Variants in MAD1L1 observed in about 807,000 individuals in gnomAD.
The protein encoded by MAD1L1 is mitotic arrest deficient 1 like 1.
Under a neutral mutation model 96.9 loss-of-function variants are expected in MAD1L1, and 95 were observed. That is an observed-to-expected ratio of 0.98 (90% CI 0.83 to 1.16). The LOEUF (loss-of-function observed/expected upper bound fraction) is 1.16, where lower values mean the gene tolerates loss of function less well. MAD1L1 is among the 50% of genes most tolerant of loss of function. The pLI is 0.00. For missense variants in MAD1L1, 1,007 were observed against 954.4 expected, an observed-to-expected ratio of 1.06 and a Z score of -0.73; for synonymous variants, 473 against 396.6, an observed-to-expected ratio of 1.19 and a Z score of -2.29.
intron 15 of MAD1L1, among the ~76,000 whole-genome samples, chr7:1,959,690 G>A (rs1321783631): frequency 6.6e-6 from 1 of 152,222 alleles, no homozygotes; most frequent in Admixed American, 6.5e-5. Flanking sequence ...CACCTTAACG[G>A]TGAAAACATC....
chr7:1,884,950 G>A (rs144421373), intron 18 of MAD1L1, among the ~76,000 whole-genome samples: 139 of 152,320 alleles, frequency 9.1e-4, no homozygotes, highest in African/African-American at 2.9e-3. Flanking sequence ...TCGCCCTCCG[G>A]GAATAGGCAA....
At chr7:2,128,426 C>T (rs1018382545) in intron 11 of MAD1L1, among the ~76,000 whole-genome samples, 3 of 152,000 alleles carry the variant, frequency 2.0e-5, no homozygotes, top group African/African-American at 7.3e-5. Flanking sequence ...ATGAAACACT[C>T]GCTCATCAGC....
chr7:2,084,337 C>T (rs765593807), intron 11 of MAD1L1, among the ~76,000 whole-genome samples: 2 of 152,244 alleles, frequency 1.3e-5, no homozygotes, highest in South Asian at 2.1e-4. Context: ...ACGGGCAGCG[C>T]GAGGCCAGGA....
chr7:1,953,633 C>T (rs895767440), intron 16 of MAD1L1, among the ~76,000 whole-genome samples: 2 of 152,272 alleles, frequency 1.3e-5, no homozygotes, highest in African/African-American at 4.8e-5. Flanking sequence ...TAAAGTGGCG[C>T]GGCGGCTGGG....
At position 2,014,563 on chromosome 7, in the gene MAD1L1, C is replaced by T. The variant is rs1224904530; in HGVS notation, c.1298G>A (p.Arg433Gln). 3.1e-6 allele frequency: 5 copies of T among 1,611,706 alleles called. No individual in the cohort carries two copies. The highest frequency in any genetic ancestry group is 2.2e-5 in the South Asian group (2 of 90,962). The change falls in exon 13 of 19, where the codon CGG becomes CAG. Residue 433 changes from arginine (R) to glutamine (Q), a missense_variant. Transcript: ENST00000265854. ...TPAEYSPQLT[R>Q]RMREAEDMVQ... Reference sequence around the variant, plus strand: ...CATATCCTCAGCCTCCCGCATGCGCCGCGTCAGCTGGGGTGAGTACTCGGC... The same window carrying T: ...CATATCCTCAGCCTCCCGCATGCGCTGCGTCAGCTGGGGTGAGTACTCGGC...
intron 11 of MAD1L1, among the ~76,000 whole-genome samples, chr7:2,124,843 G>A (rs959929259): frequency 1.6e-4 from 25 of 152,304 alleles, no homozygotes; most frequent in Admixed American, 7.2e-4. Context: ...AGGCACCTCC[G>A]GGTGAAGGAG....
At position 2,088,342 on chromosome 7, in the gene MAD1L1, C is replaced by T. The variant is rs1786033635; in HGVS notation, c.1074-19004G>A. On this transcript the variant is annotated intron_variant, in intron 11 of 18. Transcript: ENST00000265854. The surrounding 1 kb of genome is among the most constrained non-coding windows in gnomAD (Gnocchi z 4.4). ...ACCAGCACGGTGGTCTCGTGCTACC[C>T]TGGTTCCGTGTCGGCGCCAGCCCTC... is the stretch of plus-strand genomic sequence containing the variant. 6.6e-6 allele frequency among the ~76,000 whole-genome samples: 1 copy of T among 152,192 alleles called. No homozygotes were observed.
At chr7:1,940,284 C>T (rs970966976) in intron 16 of MAD1L1, 4 of 152,252 alleles carry the variant, frequency 2.6e-5, no homozygotes, top group African/African-American at 9.6e-5. Context: ...AGGAGAGGAT[C>T]CGCGCAGCTC....
chr7:1,972,911 C>T (rs1251719533), intron 15 of MAD1L1, among the ~76,000 whole-genome samples: 3 of 152,200 alleles, frequency 2.0e-5, no homozygotes, highest in East Asian at 3.8e-4. Flanking sequence ...CTCCCCCACA[C>T]GGGCAATGCA....
chr7:1,897,418 A>G (rs906209909), intron 18 of MAD1L1, among the ~76,000 whole-genome samples: 21 of 152,056 alleles, frequency 1.4e-4, no homozygotes, highest in African/African-American at 5.1e-4. Flanking sequence ...ACATGCCAAG[A>G]CGGGGCCACG....
At chr7:2,104,784 A>C (rs930346022) in intron 11 of MAD1L1, among the ~76,000 whole-genome samples, 3 of 152,188 alleles carry the variant, frequency 2.0e-5, no homozygotes, top group African/African-American at 7.2e-5. Context: ...TCCCACTTTA[A>C]TTATCTGAGC....
intron 12 of MAD1L1, among the ~76,000 whole-genome samples, chr7:2,039,646 T>C (rs190698508): frequency 1.3e-5 from 2 of 152,206 alleles, no homozygotes; most frequent in Non-Finnish European, 2.9e-5. Flanking sequence ...CATCTGTATA[T>C]GTTATTTGGT....
At chr7:1,899,658 G>A (rs1259517318) in intron 17 of MAD1L1, among the ~76,000 whole-genome samples, 2 of 152,198 alleles carry the variant, frequency 1.3e-5, no homozygotes, top group African/African-American at 4.8e-5. Context: ...GAAGGCCCCA[G>A]AAAGGGTGTG....
At chr7:1,997,411 G>A (rs1781604664) in intron 14 of MAD1L1, among the ~76,000 whole-genome samples, 1 of 152,234 alleles carries the variant, frequency 6.6e-6, no homozygotes, top group Non-Finnish European at 1.5e-5. Context: ...AGCCTTTCCA[G>A]GGACAAGGGA....
At chr7:2,054,136 T>C (rs954597959) in intron 12 of MAD1L1, among the ~76,000 whole-genome samples, 17 of 152,318 alleles carry the variant, frequency 1.1e-4, no homozygotes, top group Admixed American at 3.3e-4. Flanking sequence ...CAAATCTCCC[T>C]GAAAGGGCCA....
At chr7:2,023,913 C>A (rs1266855396) in intron 12 of MAD1L1, among the ~76,000 whole-genome samples, 1 of 151,936 alleles carries the variant, frequency 6.6e-6, no homozygotes, top group African/African-American at 2.4e-5. Flanking sequence ...CACGCCACTG[C>A]ACTTCAGCCT....
At chr7:1,942,014 C>A (rs1174623425) in intron 16 of MAD1L1, among the ~76,000 whole-genome samples, 1 of 152,212 alleles carries the variant, frequency 6.6e-6, no homozygotes, top group Admixed American at 6.5e-5. Context: ...GCACCACCCA[C>A]CCGCTCACGT....
intron 12 of MAD1L1, among the ~76,000 whole-genome samples, chr7:2,043,630 C>A (rs950184849): frequency 1.3e-5 from 2 of 152,164 alleles, no homozygotes; most frequent in African/African-American, 4.8e-5. Context: ...AGTGGAGGCA[C>A]GCGGAGGGCC....
At chr7:1,904,389 T>C (rs1432892727) in intron 17 of MAD1L1, among the ~76,000 whole-genome samples, 2 of 140,562 alleles carry the variant, frequency 1.4e-5, no homozygotes, top group Non-Finnish European at 3.0e-5. Context: ...GAATTCATGA[T>C]TGATGAAGCA....
Sources: allele counts gnomAD v4.1 joint callset (sites outside exome capture counted in the v4.1 genomes callset), GRCh38; gene constraint gnomAD v4.1.1; non-coding constraint Gnocchi (gnomAD v3.1); transcripts MANE v1.5; gene names NCBI Gene and HGNC (gene_info 2026-07-23, HGNC 2026-07-21).